The following SLC36A1 variants were observed in gnomAD, a reference collection of about 807,000 sequenced individuals.
SLC36A1 encodes the protein proton-coupled amino acid transporter 1.
In SLC36A1, 30 loss-of-function variants were observed where a neutral mutation model predicts 47.5. The observed-to-expected ratio is 0.63, with a 90% CI of 0.47 to 0.86. The LOEUF (loss-of-function observed/expected upper bound fraction) is 0.86. Ranked by LOEUF, SLC36A1 falls within the 40% of genes least tolerant of loss-of-function variation. The pLI is 0.00. For missense variants in SLC36A1, 517 were observed against 606.0 expected (o/e 0.85, Z 1.54); for synonymous variants, 255 against 249.7 (o/e 1.02, Z -0.20).
chr5:151,544,265 G>A, the SLC36A1 span: 3 of 1,614,234 alleles, frequency 1.9e-6, no homozygotes, highest in Admixed American at 1.7e-5. Flanking sequence ...ACAGGGGTCT[G>A]AGCAGGCAAG....
the SLC36A1 span, among the ~76,000 whole-genome samples, chr5:151,431,833 A>G: frequency 6.6e-6 from 1 of 152,192 alleles, no homozygotes; most frequent in South Asian, 2.1e-4. Flanking sequence ...AAATGAACTA[A>G]TACACATGGC....
At chr5:151,461,361 C>T (rs1261156683) in intron 2 of SLC36A1, among the ~76,000 whole-genome samples, 4 of 152,070 alleles carry the variant, frequency 2.6e-5, no homozygotes, top group African/African-American at 4.8e-5. Context: ...TTGACTGCTT[C>T]GAAGACAGCC....
rs143142801 is a variant in SLC36A1 at position 151,474,013 on chromosome 5, A to T, written c.822+242A>T. ...CATCTCTACTAAATATACAAAAATC[A>T]GCTAGGCATGGTGGCACACGCCTAT... On this transcript the variant is annotated intron_variant, in intron 8 of 10. Transcript: ENST00000243389. Among the ~76,000 whole-genome samples, 55 of 151,722 alleles carry T rather than the reference A, an allele frequency of 3.6e-4. No homozygotes were observed. The East Asian group carries it at 9.5e-3, about 26-fold the overall frequency.
the SLC36A1 span, among the ~76,000 whole-genome samples, chr5:151,422,813 G>A: frequency 2.0e-5 from 3 of 151,980 alleles, no homozygotes; most frequent in African/African-American, 7.3e-5. Context: ...GTAGTGGCAC[G>A]TGTCTGTAAT....
the SLC36A1 span, among the ~76,000 whole-genome samples, chr5:151,399,040 G>A: frequency 1.4e-5 from 2 of 139,104 alleles, no homozygotes; most frequent in Admixed American, 1.4e-4. Flanking sequence ...TTTAATGTGT[G>A]TATATATATA....
At chr5:151,346,048 G>A in the SLC36A1 span, among the ~76,000 whole-genome samples, 3 of 152,170 alleles carry the variant, frequency 2.0e-5, no homozygotes, top group African/African-American at 4.8e-5. Context: ...TACTCAGCCC[G>A]TTATTTGGCT....
the SLC36A1 span, among the ~76,000 whole-genome samples, chr5:151,368,645 G>T: frequency 6.6e-5 from 10 of 152,072 alleles, no homozygotes; most frequent in Admixed American, 1.3e-4. Flanking sequence ...TTTTTTGGTT[G>T]TCCTCTGTTG....
the SLC36A1 span, among the ~76,000 whole-genome samples, chr5:151,397,962 A>G: frequency 2.0e-5 from 3 of 150,802 alleles, no homozygotes; most frequent in African/African-American, 7.3e-5. Flanking sequence ...ACAAAATATT[A>G]TAAGAATTAG....
the SLC36A1 span, among the ~76,000 whole-genome samples, chr5:151,407,018 T>C: frequency 1.3e-5 from 2 of 152,162 alleles, no homozygotes; most frequent in Non-Finnish European, 2.9e-5. Context: ...TTACAGCTCT[T>C]AAAGGTGGCG....
At chr5:151,409,918 C>G in the SLC36A1 span, among the ~76,000 whole-genome samples, 1 of 152,326 alleles carries the variant, frequency 6.6e-6, no homozygotes, top group Non-Finnish European at 1.5e-5. Context: ...CAAGGTGATT[C>G]TGATGCTCAT....
the SLC36A1 span, among the ~76,000 whole-genome samples, chr5:151,394,940 G>A: frequency 1.3e-5 from 2 of 152,190 alleles, no homozygotes; most frequent in African/African-American, 2.4e-5. Context: ...GTCAGACAGG[G>A]ACATTTAAGT....
chr5:151,506,051 G>A, the SLC36A1 span: 87 of 1,555,570 alleles, frequency 5.6e-5, 1 homozygote, highest in South Asian at 3.1e-4. Flanking sequence ...CCCAGCGTTC[G>A]TTCCTGGAGT....
chr5:151,546,177 G>A, the SLC36A1 span: 1 of 1,614,158 alleles, frequency 6.2e-7, no homozygotes, highest in South Asian at 1.1e-5. Flanking sequence ...CTGAGGGATA[G>A]ACATGAATGA....
intron 1 of SLC36A1, among the ~76,000 whole-genome samples, chr5:151,458,396 A>G (rs1755009201): frequency 6.7e-6 from 1 of 148,528 alleles, no homozygotes; most frequent in Admixed American, 6.7e-5. Flanking sequence ...CCAAGACATT[A>G]TCTCAGAAAG....
chr5:151,344,680 C>T, the SLC36A1 span, among the ~76,000 whole-genome samples: 148 of 152,318 alleles, frequency 9.7e-4, no homozygotes, highest in Non-Finnish European at 1.7e-3. Context: ...TTCAGAGTCC[C>T]TGTTCTTCAC....
the SLC36A1 span, among the ~76,000 whole-genome samples, chr5:151,371,354 C>T: frequency 6.6e-6 from 1 of 152,130 alleles, no homozygotes; most frequent in African/African-American, 2.4e-5. Context: ...AAATGGAAAA[C>T]AAACATATAC....
chr5:151,356,339 C>CAAAAAAAAAAAAA, the SLC36A1 span, among the ~76,000 whole-genome samples: 111 of 51,254 alleles, frequency 2.2e-3, 3 homozygotes, highest in East Asian at 3.1e-3. Flanking sequence ...CTCTGTCTCA[C>CAAAAAAAAAAAAA]AAAAAAAAAA....
chr5:151,513,274 A>C, the SLC36A1 span, among the ~76,000 whole-genome samples: 1 of 152,236 alleles, frequency 6.6e-6, no homozygotes, highest in East Asian at 1.9e-4. Context: ...TTTCATAAAA[A>C]TATATAAAGA....
chr5:151,465,875 G>A (rs1756282618), intron 5 of SLC36A1, among the ~76,000 whole-genome samples: 1 of 151,858 alleles, frequency 6.6e-6, no homozygotes. Context: ...TCAGTGTTTG[G>A]AGGGAAATAT....
Sources: gnomAD v4.1 joint callset for allele counts (sites outside exome capture counted in the v4.1 genomes callset) on GRCh38, gnomAD v4.1.1 for gene constraint, MANE v1.5 for transcripts, NCBI Gene and HGNC (gene_info 2026-07-23, HGNC 2026-07-21) for gene names.